PSD3: variants seen among roughly 807,000 people sequenced by gnomAD.
PSD3 encodes the protein PH and SEC7 domain-containing protein 3.
A neutral mutation model predicts 105.5 loss-of-function variants in PSD3; 49 were observed. That is an observed-to-expected ratio of 0.46 (90% CI 0.37 to 0.59). The LOEUF is 0.59. Among genes scored for constraint, PSD3 ranks in the 20% least tolerant of loss-of-function variants. The pLI is 0.00. For synonymous variants in PSD3, 557 were observed against 457.8 expected (o/e 1.22, Z -2.77); for missense variants, 1,561 against 1,263.8 (o/e 1.24, Z -3.57).
Position 18,639,259 on chromosome 8 carries a change from T to C in PSD3, c.2217-6453A>G, listed in dbSNP as rs1031940258. ...TTGAAGTTTTCTACTGTTTTAAATGTGGCTTTTTTTTTTAATTGAGAGTTT... is the reference window on the plus strand; with the variant it reads ...TTGAAGTTTTCTACTGTTTTAAATGCGGCTTTTTTTTTTAATTGAGAGTTT... On this transcript the variant is annotated intron_variant, in intron 10 of 15. Transcript: ENST00000327040. Among the ~76,000 whole-genome samples the C allele has an allele frequency of 2.0e-5, 3 of 150,664 alleles. 1 individual carries two copies. The highest frequency in any genetic ancestry group is 2.0e-4 in the Admixed American group (3 of 15,210).
intron 9 of PSD3, among the ~76,000 whole-genome samples, chr8:18,687,185 T>A (rs1585620143): frequency 6.6e-6 from 1 of 152,162 alleles, no homozygotes; most frequent in East Asian, 1.9e-4. Flanking sequence ...AAATTCAGGA[T>A]GGGTGCAGTG....
In PSD3 at chr8:18,798,659, A is replaced by G. The variant is rs1350276852; in HGVS notation, c.2082+636T>C. On this transcript the variant is annotated intron_variant, in intron 8 of 15. Coordinates refer to ENST00000327040, the MANE Select transcript of PSD3 (RefSeq NM_015310.4). ...GAATTCGTTAAATATGGACTAATCT[A>G]TACTTACTTAGAGCAAAAATTACTT... is the stretch of plus-strand genomic sequence containing the variant. Among the ~76,000 whole-genome samples the G allele has an allele frequency of 4.0e-5, 6 of 151,814 alleles. No individual in the cohort carries two copies. In the East Asian group the frequency reaches 9.6e-4, roughly 24 times the overall value.
chr8:18,819,551 T>C (rs1233213454), intron 4 of PSD3, among the ~76,000 whole-genome samples: 4 of 151,904 alleles, frequency 2.6e-5, no homozygotes, highest in Non-Finnish European at 5.9e-5. Context: ...TTTAAATATT[T>C]CAAATTCTTT....
intron 9 of PSD3, among the ~76,000 whole-genome samples, chr8:18,724,985 G>A (rs963617790): frequency 1.3e-5 from 2 of 152,130 alleles, no homozygotes; most frequent in Non-Finnish European, 2.9e-5. Context: ...CATGTAAAAG[G>A]ATTTTAAAAG....
intron 4 of PSD3, among the ~76,000 whole-genome samples, chr8:18,863,149 G>A (rs62495865): frequency 0.11 from 16,221 of 152,170 alleles, 920 homozygotes; most frequent in East Asian, 0.21. Context: ...GCCATGTCAC[G>A]GTATTTGCTA....
intron 1 of PSD3, among the ~76,000 whole-genome samples, chr8:18,991,025 A>G (rs193168783): frequency 9.9e-5 from 15 of 152,268 alleles, no homozygotes; most frequent in Non-Finnish European, 1.9e-4. Context: ...CAGCCCCAGG[A>G]AAGTGAAATA....
intron 14 of PSD3, among the ~76,000 whole-genome samples, chr8:18,565,868 T>TG (rs1235086508): frequency 1.3e-5 from 2 of 152,106 alleles, no homozygotes; most frequent in African/African-American, 4.8e-5. Flanking sequence ...TTGTTAGAAC[T>TG]GGGGGGTCCC....
At chr8:19,021,706 C>G (rs10086438) in intron 1 of PSD3, among the ~76,000 whole-genome samples, 226 of 152,292 alleles carry the variant, frequency 1.5e-3, no homozygotes, top group African/African-American at 5.3e-3. Context: ...GTGGGAGAAA[C>G]TTTCCCCTGG....
intron 9 of PSD3, among the ~76,000 whole-genome samples, chr8:18,743,210 A>G (rs1022262316): frequency 2.6e-5 from 4 of 152,190 alleles, no homozygotes; most frequent in African/African-American, 9.7e-5. Flanking sequence ...AAAAGCATAC[A>G]ATTTATTAAT....
intron 10 of PSD3, among the ~76,000 whole-genome samples, chr8:18,637,392 GTA>G (rs772416337): frequency 6.6e-6 from 1 of 152,166 alleles, no homozygotes; most frequent in East Asian, 1.9e-4. Flanking sequence ...TTTAGATAAT[GTA>G]TAGAGTCATG....
At chr8:19,032,312 G>C (rs554439840) in intron 1 of PSD3, among the ~76,000 whole-genome samples, 1 of 152,066 alleles carries the variant, frequency 6.6e-6, no homozygotes, top group African/African-American at 2.4e-5. Context: ...CCTATCACTC[G>C]TGTTCATATG....
intron 2 of PSD3, among the ~76,000 whole-genome samples, chr8:18,922,445 G>C (rs765824578): frequency 6.6e-6 from 1 of 152,186 alleles, no homozygotes; most frequent in Non-Finnish European, 1.5e-5. Flanking sequence ...GAGAACACAG[G>C]AATAAACTAA....
At chr8:18,954,975 G>A (rs1400982344) in intron 1 of PSD3, among the ~76,000 whole-genome samples, 1 of 152,176 alleles carries the variant, frequency 6.6e-6, no homozygotes, top group Non-Finnish European at 1.5e-5. Flanking sequence ...TCAAGGTGCA[G>A]GCAGACAACG....
At position 18,619,046 on chromosome 8, in the gene PSD3, C is replaced by T. The variant is rs557976596; in HGVS notation, c.2410+13567G>A. Among the ~76,000 whole-genome samples, 4 of 152,142 alleles carry T rather than the reference C, an allele frequency of 2.6e-5. No individual in the cohort carries two copies. The East Asian group carries it at 5.8e-4, about 22-fold the overall frequency. On this transcript the variant is annotated intron_variant, in intron 11 of 15. Transcript: ENST00000327040. Reference sequence around the variant, plus strand: ...GTATTACTGGCATACTGCTTGAGCTCAAAGTGTTTTTTAAAAAATAAATCA... The same window carrying T: ...GTATTACTGGCATACTGCTTGAGCTTAAAGTGTTTTTTAAAAAATAAATCA...
At chr8:18,650,031 G>A (rs919657194) in intron 10 of PSD3, among the ~76,000 whole-genome samples, 2 of 152,202 alleles carry the variant, frequency 1.3e-5, no homozygotes, top group Non-Finnish European at 2.9e-5. Context: ...CTTTGTAGCA[G>A]TGCAAGAACA....
At chr8:18,779,245 T>A (rs1256363099) in intron 8 of PSD3, among the ~76,000 whole-genome samples, 2 of 152,186 alleles carry the variant, frequency 1.3e-5, no homozygotes, top group Non-Finnish European at 1.5e-5. Context: ...AGACAGTTGT[T>A]CACGATAGTC....
rs754356602 is a variant in PSD3 at position 18,572,536 on chromosome 8, G to C, written c.2776C>G (p.Leu926Val). The C allele has an allele frequency of 6.2e-7, 1 of 1,613,784 alleles. No homozygotes were observed. The highest frequency in any genetic ancestry group is 8.5e-7 in the Non-Finnish European group (1 of 1,179,740). Residue 926 changes from leucine (L) to valine (V), a missense_variant, in exon 14 of 16, where the codon CTG becomes GTG. Leu to Val is a conservative substitution (Grantham distance 32). Transcript: ENST00000327040. ...RPLLPATTTK[L>V]SQEEQLKSHE... ...ACTATCAAGATGATTACCTGAGACA[G>C]TTTTGTTGTAGTGGCAGGCAGAAGT... is the stretch of plus-strand genomic sequence containing the variant.
intron 1 of PSD3, among the ~76,000 whole-genome samples, chr8:18,957,504 C>G (rs1231808926): frequency 6.8e-6 from 1 of 147,408 alleles, no homozygotes; most frequent in East Asian, 2.0e-4. Context: ...ACAGCTAATT[C>G]CACATCTCAT....
At chr8:18,703,019 A>G (rs941016393) in intron 9 of PSD3, among the ~76,000 whole-genome samples, 2 of 152,072 alleles carry the variant, frequency 1.3e-5, no homozygotes, top group Non-Finnish European at 2.9e-5. Flanking sequence ...TTCTGGTATT[A>G]TCTTGATTTT....
Sources: allele counts gnomAD v4.1 joint callset (sites outside exome capture counted in the v4.1 genomes callset), GRCh38; gene constraint gnomAD v4.1.1; transcripts MANE v1.5; gene names NCBI Gene and HGNC (gene_info 2026-07-23, HGNC 2026-07-21).